MCTP2: variants seen among roughly 807,000 people sequenced by gnomAD.
The protein encoded by MCTP2 is multiple C2 and transmembrane domain-containing protein 2.
MCTP2 carries 132 observed loss-of-function variants against 111.6 expected under a neutral mutation model. That is an observed-to-expected ratio of 1.18 (90% CI 1.03 to 1.37). MCTP2 has a LOEUF of 1.37. Among genes scored for constraint, MCTP2 ranks in the 40% most tolerant of loss-of-function variants. The pLI, the probability that MCTP2 is intolerant of heterozygous loss-of-function variation, is 0.00. For missense variants in MCTP2, 1,183 were observed against 1,067.9 expected, an observed-to-expected ratio of 1.11 and a Z score of -1.50; for synonymous variants, 395 against 387.7, an observed-to-expected ratio of 1.02 and a Z score of -0.22.
At chr15:94,248,213 G>A (rs759447541) in intron 1 of MCTP2, among the ~76,000 whole-genome samples, 1 of 152,148 alleles carries the variant, frequency 6.6e-6, no homozygotes, top group African/African-American at 2.4e-5. Flanking sequence ...GTCACATTAT[G>A]TAACTAATAA....
intron 12 of MCTP2, among the ~76,000 whole-genome samples, chr15:94,372,097 G>A (rs1049267592): frequency 1.3e-5 from 2 of 152,134 alleles, no homozygotes; most frequent in Non-Finnish European, 2.9e-5. Flanking sequence ...TTATGTTCAA[G>A]GTATTCAGTA....
chr15:94,341,028 A>T (rs541517176), intron 7 of MCTP2, 104 bp downstream of exon 7: 1 of 742,228 alleles, frequency 1.3e-6, no homozygotes, highest in Non-Finnish European at 2.4e-6. Context: ...TGTTTTTGCA[A>T]TTATTTTAGG....
At position 94,425,320 on chromosome 15, in the gene MCTP2, C is replaced by G. The variant is rs138870168; in HGVS notation, c.2086-14856C>G. On this transcript the variant is annotated intron_variant, in intron 17 of 22. Transcript: ENST00000357742. ...TGTCTATTCCTGTACCAGTATCACA[C>G]AAATATTTAGGTTTAGCACAGTTCT... Among the ~76,000 whole-genome samples the G allele has an allele frequency of 1.7e-4, 26 of 152,212 alleles. No homozygotes were observed. The East Asian group carries it at 5.0e-3, about 29-fold the overall frequency.
chr15:94,374,545 A>T (rs2079653518), intron 12 of MCTP2, among the ~76,000 whole-genome samples: 1 of 152,240 alleles, frequency 6.6e-6, no homozygotes, highest in Non-Finnish European at 1.5e-5. Context: ...CAAATCAGTG[A>T]TTCTTCCTTA....
intron 12 of MCTP2, among the ~76,000 whole-genome samples, chr15:94,375,336 G>A (rs1440277116): frequency 6.6e-6 from 1 of 152,200 alleles, no homozygotes; most frequent in Non-Finnish European, 1.5e-5. Flanking sequence ...CTGGACCTGA[G>A]ATTTGGGTAG....
At chr15:94,273,923 T>G (rs1410553428) in intron 1 of MCTP2, 2 of 240,920 alleles carry the variant, frequency 8.3e-6, no homozygotes, top group African/African-American at 4.6e-5. Flanking sequence ...GAAAAAATTC[T>G]TGAATGCAAA....
chr15:94,387,835 G>A (rs2080602884), intron 14 of MCTP2, among the ~76,000 whole-genome samples: 1 of 152,202 alleles, frequency 6.6e-6, no homozygotes, highest in South Asian at 2.1e-4. Flanking sequence ...GGGCCTCATG[G>A]AAAAAGGGGC....
chr15:94,417,630 C>T (rs924334291), intron 17 of MCTP2, among the ~76,000 whole-genome samples: 3 of 152,072 alleles, frequency 2.0e-5, no homozygotes, highest in African/African-American at 4.8e-5. Flanking sequence ...ATTCAAGACT[C>T]CTAACAGCAT....
At chr15:94,440,995 G>T (rs989918345) in intron 18 of MCTP2, among the ~76,000 whole-genome samples, 8 of 151,816 alleles carry the variant, frequency 5.3e-5, no homozygotes, top group African/African-American at 1.7e-4. Context: ...ACTTGTATTT[G>T]TAGGCTTTTT....
intron 1 of MCTP2, among the ~76,000 whole-genome samples, chr15:94,282,655 CA>C (rs1158106231): frequency 6.6e-6 from 1 of 152,232 alleles, no homozygotes; most frequent in Non-Finnish European, 1.5e-5. Context: ...AGTTCTTTCT[CA>C]TCTGTATGGG....
At chr15:94,374,451 G>T (rs945715927) in intron 12 of MCTP2, among the ~76,000 whole-genome samples, 1 of 152,168 alleles carries the variant, frequency 6.6e-6, no homozygotes, top group African/African-American at 2.4e-5. Context: ...TGCCAGGATT[G>T]TAATGTGTTG....
chr15:94,251,401 C>G (rs1007548526), intron 1 of MCTP2, among the ~76,000 whole-genome samples: 1 of 151,734 alleles, frequency 6.6e-6, no homozygotes, highest in East Asian at 1.9e-4. Context: ...TCTTGTTGCC[C>G]AGGCTGGAGT....
intron 19 of MCTP2, among the ~76,000 whole-genome samples, chr15:94,456,845 GC>G (rs2084867484): frequency 6.6e-6 from 1 of 152,038 alleles, no homozygotes; most frequent in South Asian, 2.1e-4. Flanking sequence ...GTCTGTTTCA[GC>G]CAAGTAGTTT....
At chr15:94,295,753 T>C (rs1194507592) in intron 1 of MCTP2, among the ~76,000 whole-genome samples, 1 of 152,068 alleles carries the variant, frequency 6.6e-6, no homozygotes, top group African/African-American at 2.4e-5. Flanking sequence ...AAAAATTCTA[T>C]CTGTACAAAA....
At chr15:94,267,181 T>G (rs2073588299) in intron 1 of MCTP2, among the ~76,000 whole-genome samples, 1 of 152,186 alleles carries the variant, frequency 6.6e-6, no homozygotes, top group African/African-American at 2.4e-5. Context: ...ATGTAGGTGG[T>G]TTCTGTCACC....
At chr15:94,294,631 T>C (rs1451669195) in intron 1 of MCTP2, among the ~76,000 whole-genome samples, 4 of 152,208 alleles carry the variant, frequency 2.6e-5, no homozygotes, top group Non-Finnish European at 5.9e-5. Flanking sequence ...TTACAGCAAC[T>C]CCTTTTCTCA....
chr15:94,245,619 T>G (rs536965278), intron 1 of MCTP2, among the ~76,000 whole-genome samples: 2 of 145,566 alleles, frequency 1.4e-5, no homozygotes, highest in African/African-American at 5.0e-5. Flanking sequence ...CATATGTACA[T>G]GTATATATAC....
chr15:94,378,115 G>T (rs997155614), intron 12 of MCTP2, among the ~76,000 whole-genome samples: 2 of 152,162 alleles, frequency 1.3e-5, no homozygotes, highest in African/African-American at 4.8e-5. Context: ...TGGCAGCTGT[G>T]AGGAGCAAGG....
chr15:94,369,755 G>A (rs3784654), intron 11 of MCTP2, among the ~76,000 whole-genome samples: 12,767 of 152,110 alleles, frequency 0.084, 674 homozygotes, highest in South Asian at 0.11. Context: ...GAGAAAGAAG[G>A]GGGAAAAAGA....
Sources: gnomAD v4.1 joint callset for allele counts (sites outside exome capture counted in the v4.1 genomes callset) on GRCh38, gnomAD v4.1.1 for gene constraint, MANE v1.5 for transcripts, NCBI Gene and HGNC (gene_info 2026-07-23, HGNC 2026-07-21) for gene names.